PIK3CB: variants seen among roughly 807,000 people sequenced by gnomAD.
The protein encoded by PIK3CB is phosphatidylinositol-4,5-bisphosphate 3-kinase catalytic subunit beta.
In PIK3CB, 39 loss-of-function variants were observed where a neutral mutation model predicts 136.8. The observed-to-expected ratio is 0.29, with a 90% CI of 0.22 to 0.37. The LOEUF (loss-of-function observed/expected upper bound fraction) is 0.37. PIK3CB is among the 10% of genes least tolerant of loss of function. The pLI is 1.00. For missense variants in PIK3CB, 868 were observed against 1,275.4 expected (o/e 0.68, Z 4.87); for synonymous variants, 428 against 436.6 (o/e 0.98, Z 0.25).
chr3:138,672,985 C>T (rs2108449621), intron 19 of PIK3CB, among the ~76,000 whole-genome samples: 1 of 130,318 alleles, frequency 7.7e-6, no homozygotes, highest in South Asian at 2.5e-4. Context: ...AAAAAAAATA[C>T]AATACAGGAG....
chr3:138,720,654 C>T (rs35364608), intron 8 of PIK3CB, among the ~76,000 whole-genome samples: 25,707 of 152,082 alleles, frequency 0.17, 2,545 homozygotes, highest in Middle Eastern at 0.24. Flanking sequence ...ATCCCTTGAG[C>T]GCAGGAGTTC....
At chr3:138,722,693 C>CA (rs1381701799) in intron 8 of PIK3CB, among the ~76,000 whole-genome samples, 5,305 of 103,594 alleles carry the variant, frequency 0.051, 282 homozygotes, top group African/African-American at 0.16. Context: ...TATAAAAGCT[C>CA]AAAAAAAAAA....
chr3:138,696,006 G>T (rs1382351386), intron 13 of PIK3CB, among the ~76,000 whole-genome samples: 3 of 141,958 alleles, frequency 2.1e-5, no homozygotes, highest in Non-Finnish European at 3.0e-5. Context: ...CCTGACGTCA[G>T]GTGATCCACC....
At chr3:138,668,742 T>A (rs1224044090) in intron 19 of PIK3CB, among the ~76,000 whole-genome samples, 1 of 152,210 alleles carries the variant, frequency 6.6e-6, no homozygotes, top group South Asian at 2.1e-4. Context: ...TACATTGATA[T>A]ATTGCACTGT....
chr3:138,793,569 G>A lies in PIK3CB; in HGVS notation c.-17+2894C>T, dbSNP rs145135262. On this transcript the variant is annotated intron_variant, in intron 2 of 23. Transcript: ENST00000674063. ...TGCAATGAGCCAAGATCACACCATTGCACTCCAGCCTGGGCGTTGCAGCGA... is the reference window on the plus strand; with the variant it reads ...TGCAATGAGCCAAGATCACACCATTACACTCCAGCCTGGGCGTTGCAGCGA... Among the ~76,000 whole-genome samples, 911 of 150,810 alleles carry A rather than the reference G, an allele frequency of 6.0e-3. 5 individuals are homozygous for A. The highest frequency in any genetic ancestry group is 0.021 in the African/African-American group (852 of 40,976).
intron 2 of PIK3CB, among the ~76,000 whole-genome samples, chr3:138,781,603 C>T (rs1255283978): frequency 1.3e-5 from 2 of 152,080 alleles, no homozygotes; most frequent in Admixed American, 1.3e-4. Flanking sequence ...CAGGTGCCCA[C>T]CACCACGCCT....
At position 138,682,038 on chromosome 3, in the gene PIK3CB, T is replaced by G; in HGVS notation, c.2433A>C (p.Arg811=). 1 of 1,609,380 alleles carries G rather than the reference T, an allele frequency of 6.2e-7. No homozygotes were observed. The highest frequency in any genetic ancestry group is 8.5e-7 in the Non-Finnish European group (1 of 1,177,400). Residue 811 remains arginine, a synonymous_variant, in exon 19 of 24, where the codon CGA becomes CGC. Transcript: ENST00000674063. The part of the protein sequence containing the change: ...GVIFKNGDDL[R]QDMLTLQMLR... ...ACATTTGGAGTGTCAACATATCCTG[T>G]CGTAAATCTAAGGGAAAACAAACTG...
At chr3:138,707,729 T>C (rs1007811659) in intron 10 of PIK3CB, 14 of 177,150 alleles carry the variant, frequency 7.9e-5, no homozygotes, top group Admixed American at 1.3e-4. Context: ...TCTTATCAAA[T>C]CTAACGATAA....
chr3:138,716,893 CAAAAAAA>C (rs376627250), intron 8 of PIK3CB, among the ~76,000 whole-genome samples: 17 of 11,090 alleles, frequency 1.5e-3, no homozygotes, highest in Non-Finnish European at 3.6e-3. Flanking sequence ...GATTGTGTCT[CAAAAAAA>C]AAAAAAAAAA....
At chr3:138,830,887 G>A (rs1163557817) in intron 1 of PIK3CB, among the ~76,000 whole-genome samples, 2 of 145,348 alleles carry the variant, frequency 1.4e-5, no homozygotes, top group African/African-American at 2.5e-5. Context: ...GGGCAACAGA[G>A]CGAAACTCCG....
chr3:138,661,124 C>T (rs1339207560), intron 21 of PIK3CB, among the ~76,000 whole-genome samples: 1 of 152,166 alleles, frequency 6.6e-6, no homozygotes, highest in Non-Finnish European at 1.5e-5. Context: ...TTTACTACGC[C>T]GACTTTCACT....
At chr3:138,705,324 T>TA (rs2044358023) in intron 11 of PIK3CB, among the ~76,000 whole-genome samples, 7 of 151,980 alleles carry the variant, frequency 4.6e-5, no homozygotes. Flanking sequence ...TAGTCACAGC[T>TA]AAAACTATTA....
intron 4 of PIK3CB, among the ~76,000 whole-genome samples, chr3:138,749,238 A>C (rs2045421875): frequency 6.6e-6 from 1 of 152,130 alleles, no homozygotes; most frequent in African/African-American, 2.4e-5. Context: ...ACAAAAATCA[A>C]ATGCTTTATT....
chr3:138,822,403 C>T (rs752141900), intron 1 of PIK3CB, among the ~76,000 whole-genome samples: 2 of 150,766 alleles, frequency 1.3e-5, no homozygotes, highest in Admixed American at 6.6e-5. Context: ...AAAAGTTAGC[C>T]GGGCATGGTG....
chr3:138,685,924 G>C (rs953068811), intron 16 of PIK3CB, among the ~76,000 whole-genome samples: 1 of 152,114 alleles, frequency 6.6e-6, no homozygotes, highest in Non-Finnish European at 1.5e-5. Context: ...ATGAGTTGAG[G>C]CCAGGAGTTC....
chr3:138,682,272 A>G (rs2043797717), intron 18 of PIK3CB, among the ~76,000 whole-genome samples: 1 of 152,234 alleles, frequency 6.6e-6, no homozygotes, highest in Non-Finnish European at 1.5e-5. Context: ...TGTAAGTTAC[A>G]TCCTATTGAA....
At chr3:138,788,997 A>AAAAAAAAAAAAAAAC (rs1559879235) in intron 2 of PIK3CB, among the ~76,000 whole-genome samples, 17 of 150,190 alleles carry the variant, frequency 1.1e-4, no homozygotes, top group African/African-American at 3.7e-4. Flanking sequence ...AAAAAACAAA[A>AAAAAAAAAAAAAAAC]AACAACACCA....
intron 14 of PIK3CB, among the ~76,000 whole-genome samples, chr3:138,694,153 C>G (rs967962234): frequency 6.6e-5 from 10 of 151,056 alleles, no homozygotes; most frequent in African/African-American, 2.4e-4. Context: ...TTCAGGATTC[C>G]CACCACCCTC....
intron 4 of PIK3CB, among the ~76,000 whole-genome samples, chr3:138,751,457 C>CA (rs1215387870): frequency 0.042 from 5,242 of 125,138 alleles, 297 homozygotes; most frequent in African/African-American, 0.14. Flanking sequence ...GACTCCATCT[C>CA]AAAAAAAAAA....
Sources: gnomAD v4.1 joint callset for allele counts (sites outside exome capture counted in the v4.1 genomes callset) on GRCh38, gnomAD v4.1.1 for gene constraint, MANE v1.5 for transcripts, NCBI Gene and HGNC (gene_info 2026-07-23, HGNC 2026-07-21) for gene names.